GPC4: variants seen among roughly 807,000 people sequenced by gnomAD.
GPC4 encodes glypican-4.
In GPC4, 10 loss-of-function variants were observed where a neutral mutation model predicts 35.0. The observed-to-expected ratio is 0.29, with a 90% CI of 0.18 to 0.48. The LOEUF is 0.48. Among genes scored for constraint, GPC4 ranks in the 20% least tolerant of loss-of-function variants. GPC4 has a pLI of 0.99. For missense variants in GPC4, 322 were observed against 451.3 expected (o/e 0.71, Z 2.60); for synonymous variants, 167 against 170.2 (o/e 0.98, Z 0.15).
chrX:133,320,213 C>T (rs2060120820), intron 3 of GPC4, among the ~76,000 whole-genome samples: 1 of 111,675 alleles, frequency 9.0e-6, no homozygotes, highest in Admixed American at 9.5e-5. Context: ...GCATATTGCT[C>T]CTATTCACGG....
At chrX:133,312,795 C>T (rs1202885408) in intron 3 of GPC4, among the ~76,000 whole-genome samples, 1 of 111,283 alleles carries the variant, frequency 9.0e-6, no homozygotes, top group Non-Finnish European at 1.9e-5. Flanking sequence ...AAGACAGAAA[C>T]ATTACCCAAG....
chrX:133,352,760 G>GAAT (rs1033977481), intron 1 of GPC4, among the ~76,000 whole-genome samples: 2 of 110,770 alleles, frequency 1.8e-5, no homozygotes, highest in African/African-American at 6.6e-5. Context: ...CACACACTAG[G>GAAT]AATAATCCCT....
At chrX:133,315,172 C>T (rs191909026) in intron 3 of GPC4, among the ~76,000 whole-genome samples, 5 of 108,509 alleles carry the variant, frequency 4.6e-5, no homozygotes, top group Admixed American at 3.9e-4. Context: ...ATCCCTAAAC[C>T]GAACACCCAA....
At chrX:133,325,540 A>G (rs2068388504) in intron 2 of GPC4, among the ~76,000 whole-genome samples, 1 of 111,875 alleles carries the variant, frequency 8.9e-6, no homozygotes, top group African/African-American at 3.2e-5. Flanking sequence ...CCAAAAGTGT[A>G]TTTGTAACAT....
intron 3 of GPC4, among the ~76,000 whole-genome samples, chrX:133,320,788 G>A (rs1213514164): frequency 5.1e-4 from 56 of 110,004 alleles, no homozygotes; most frequent in Non-Finnish European, 1.7e-4. Context: ...TGGGAGGATC[G>A]CTTGAGGCCA....
intron 3 of GPC4, among the ~76,000 whole-genome samples, chrX:133,318,623 A>G (rs1281222618): frequency 2.7e-5 from 3 of 111,970 alleles, no homozygotes; most frequent in African/African-American, 9.8e-5. Flanking sequence ...AACCATGAGA[A>G]TGCAACTCTC....
At chrX:133,314,896 T>TCC (rs1404253983) in intron 3 of GPC4, among the ~76,000 whole-genome samples, 1 of 110,960 alleles carries the variant, frequency 9.0e-6, no homozygotes, top group Admixed American at 9.5e-5. Flanking sequence ...AGGCCTTTGG[T>TCC]CCCCACCCTT....
In GPC4 at chrX:133,415,076, GAGA is replaced by G. The variant is rs1023921579; in HGVS notation, c.-114_-112del. On this transcript the variant is annotated 5_prime_UTR_variant, in exon 1 of 9. Coordinates refer to ENST00000370828, the MANE Select transcript of GPC4 (RefSeq NM_001448.3). ...GGGGACTAGCGAGTGGAGCTGGAGG[GAGA>G]AGGAGTTGGAGTTGGTGGAAGAGGC... The G allele has an allele frequency of 1.2e-4, 95 of 790,991 alleles. No individual in the cohort carries two copies. The highest frequency in any genetic ancestry group is 1.0e-3 in the African/African-American group (49 of 48,156). The allele number at this position is 790,991 out of a possible 1,213,427, so 65.2% of individuals were successfully genotyped here.
chrX:133,368,596 C>G (rs1196273848), intron 1 of GPC4, among the ~76,000 whole-genome samples: 1 of 111,093 alleles, frequency 9.0e-6, no homozygotes, highest in African/African-American at 3.3e-5. Context: ...GGTAATTTTA[C>G]CATCTAAGAA....
intron 1 of GPC4, among the ~76,000 whole-genome samples, chrX:133,413,630 GCC>G (rs60038940): frequency 1.8e-4 from 19 of 103,345 alleles, no homozygotes; most frequent in African/African-American, 6.7e-4. Context: ...TGGAGGCTCA[GCC>G]CCCCCCCCGG....
intron 1 of GPC4, among the ~76,000 whole-genome samples, chrX:133,356,783 T>A (rs112623676): frequency 2.2e-4 from 25 of 111,491 alleles, no homozygotes; most frequent in African/African-American, 6.5e-4. Flanking sequence ...GCAACACAAA[T>A]GGACTAAGAC....
At chrX:133,398,247 G>C (rs1174295344) in intron 1 of GPC4, among the ~76,000 whole-genome samples, 1 of 111,122 alleles carries the variant, frequency 9.0e-6, no homozygotes, top group Non-Finnish European at 1.9e-5. Context: ...TAAATGGAGA[G>C]CTTGGGACTT....
At chrX:133,393,966 T>G (rs750821250) in intron 1 of GPC4, among the ~76,000 whole-genome samples, 1 of 111,725 alleles carries the variant, frequency 9.0e-6, no homozygotes, top group Admixed American at 9.6e-5. Context: ...TACCACAATT[T>G]AAGCCATATA....
chrX:133,307,284 A>G (rs934266597), intron 4 of GPC4, among the ~76,000 whole-genome samples: 1 of 111,999 alleles, frequency 8.9e-6, no homozygotes, highest in Non-Finnish European at 1.9e-5. Context: ...CTGAGCTTCT[A>G]TCTAAGCTTT....
In GPC4 at chrX:133,300,276, A is replaced by C. The variant is rs941686631; in HGVS notation, c.*2591T>G. On this transcript the variant is annotated 3_prime_UTR_variant, in exon 9 of 9. Transcript: ENST00000370828. ...GGTGCTAGTTACGATTTTTGAAATA[A>C]AATATAAATCTAAGAGTTGTAAAAT... is the stretch of plus-strand genomic sequence containing the variant. 2 of 112,492 alleles carry C rather than the reference A, an allele frequency of 1.8e-5. No homozygotes were observed. The highest frequency in any genetic ancestry group is 3.7e-5 in the Non-Finnish European group (2 of 53,336). The allele number at this position is 112,492 out of a possible 1,213,427, so 9.3% of individuals were successfully genotyped here.
Position 133,415,156 on chromosome X carries a change from G to A in GPC4, c.-191C>T. The stretch of plus-strand genomic sequence containing the variant: ...AAAGTAGAGCTGGGCCTCGCGTCAG[G>A]CAACGGTCCCCGGTGCCAGGCGCCG... On this transcript the variant is annotated 5_prime_UTR_variant, in exon 1 of 9. Coordinates refer to ENST00000370828, the MANE Select transcript of GPC4 (RefSeq NM_001448.3). The A allele has an allele frequency of 9.1e-6, 4 of 437,201 alleles. No individual in the cohort carries two copies. Among genetic ancestry groups the A allele is most frequent in the African/African-American group, 2.5e-5 (1 of 40,486 alleles). The allele number at this position is 437,201 out of a possible 1,213,427, so 36.0% of individuals were successfully genotyped here.
At chrX:133,350,482 C>G (rs891210814) in intron 1 of GPC4, among the ~76,000 whole-genome samples, 2 of 110,822 alleles carry the variant, frequency 1.8e-5, no homozygotes, top group East Asian at 5.6e-4. Flanking sequence ...CATGATCATG[C>G]CACTGCACTC....
intron 3 of GPC4, among the ~76,000 whole-genome samples, chrX:133,316,943 C>T (rs1410779403): frequency 9.0e-6 from 1 of 111,716 alleles, no homozygotes; most frequent in Non-Finnish European, 1.9e-5. Context: ...TACTATAAAA[C>T]GGTACGTAAT....
chrX:133,365,994 C>A (rs1171031218), intron 1 of GPC4, among the ~76,000 whole-genome samples: 1 of 111,899 alleles, frequency 8.9e-6, no homozygotes, highest in African/African-American at 3.2e-5. Context: ...AATAAGCAAT[C>A]CCTCAAGAGC....
Sources: gnomAD v4.1 joint callset for allele counts (sites outside exome capture counted in the v4.1 genomes callset) on GRCh38, gnomAD v4.1.1 for gene constraint, MANE v1.5 for transcripts, NCBI Gene and HGNC (gene_info 2026-07-23, HGNC 2026-07-21) for gene names.